Variants in SNTB1 observed in about 807,000 individuals in gnomAD.
SNTB1 encodes the protein syntrophin beta 1.
In SNTB1, 36 loss-of-function variants were observed where a neutral mutation model predicts 48.9. That is an observed-to-expected ratio of 0.74 (90% CI 0.56 to 0.97). The LOEUF (loss-of-function observed/expected upper bound fraction) is 0.97. Among genes scored for constraint, SNTB1 ranks in the 50% least tolerant of loss-of-function variants. The pLI, the probability that SNTB1 is intolerant of heterozygous loss-of-function variation, is 0.00. For synonymous variants in SNTB1, 299 were observed against 294.6 expected, an observed-to-expected ratio of 1.01 and a Z score of -0.15; for missense variants, 786 against 703.4, an observed-to-expected ratio of 1.12 and a Z score of -1.33.
chr8:120,663,435 T>C (rs1284699161), intron 2 of SNTB1, among the ~76,000 whole-genome samples: 1 of 152,130 alleles, frequency 6.6e-6, no homozygotes, highest in Non-Finnish European at 1.5e-5. Flanking sequence ...GCCTCCCGAG[T>C]AGCTGGGATC....
intron 3 of SNTB1, among the ~76,000 whole-genome samples, chr8:120,603,230 T>C (rs927363133): frequency 2.0e-5 from 3 of 152,004 alleles, no homozygotes; most frequent in Non-Finnish European, 4.4e-5. Context: ...GCCTCCCAAA[T>C]AGCTGGGACT....
chr8:120,697,141 G>A (rs1818225431), intron 1 of SNTB1, among the ~76,000 whole-genome samples: 1 of 152,198 alleles, frequency 6.6e-6, no homozygotes, highest in African/African-American at 2.4e-5. Context: ...GCCATTCCTG[G>A]GAAGAAGCAT....
At chr8:120,734,459 A>T (rs1289940440) in intron 1 of SNTB1, among the ~76,000 whole-genome samples, 1 of 151,818 alleles carries the variant, frequency 6.6e-6, no homozygotes, top group Non-Finnish European at 1.5e-5. Flanking sequence ...AAAAAAAAAA[A>T]AAGCTTTATT....
rs10559437 is a variant in SNTB1, at chr8:120,606,409, A to ATG, written c.996+26033_996+26034dup. 2.3e-3 allele frequency among the ~76,000 whole-genome samples: 342 copies of ATG among 147,962 alleles called. 2 individuals are homozygous for ATG. Among genetic ancestry groups the ATG allele is most frequent in the South Asian group, 0.013 (60 of 4,654 alleles). ...ACTATGTCAGTGCGTGTGTGTATAT[A>ATG]TGTGTGTGTGTGTGTGTGTGTGTGT... is the stretch of plus-strand genomic sequence containing the variant. On this transcript the variant is annotated intron_variant, in intron 3 of 6. Transcript: ENST00000517992.
intron 3 of SNTB1, among the ~76,000 whole-genome samples, chr8:120,624,921 G>C (rs1816851699): frequency 6.6e-6 from 1 of 152,144 alleles, no homozygotes; most frequent in Non-Finnish European, 1.5e-5. Flanking sequence ...AAACACAAAA[G>C]GGAAAACAAC....
chr8:120,688,090 T>G (rs1396140865), intron 2 of SNTB1, among the ~76,000 whole-genome samples: 1 of 152,218 alleles, frequency 6.6e-6, no homozygotes, highest in Non-Finnish European at 1.5e-5. Context: ...TGTGAATGTT[T>G]CATTTGTGCA....
chr8:120,811,684 C>A lies in SNTB1; in HGVS notation c.160G>T (p.Ala54Ser), dbSNP rs1320125463. ...DALVLSSEEGAAAYNGIGTAT... is the reference protein window; with the variant it reads ...DALVLSSEEGSAAYNGIGTAT... ...GTCCCGATGCCGTTGTACGCCGCAGCGCCCTCCTCGCTGCTCAGAACCAGG... is the reference window on the plus strand; with the variant it reads ...GTCCCGATGCCGTTGTACGCCGCAGAGCCCTCCTCGCTGCTCAGAACCAGG... The change falls in exon 1 of 7, where the codon GCT becomes TCT. Residue 54 changes from alanine (A) to serine (S), a missense_variant. By Grantham distance (99) the Ala-to-Ser change is moderately conservative. Transcript: ENST00000517992. 1.9e-6 allele frequency: 3 copies of A among 1,589,786 alleles called. No homozygotes were observed. Among genetic ancestry groups the A allele is most frequent in the Admixed American group, 3.6e-5 (2 of 56,074 alleles).
intron 1 of SNTB1, among the ~76,000 whole-genome samples, chr8:120,731,780 A>G (rs1237961668): frequency 6.6e-6 from 1 of 152,176 alleles, no homozygotes; most frequent in Non-Finnish European, 1.5e-5. Context: ...GTTCCTCTCT[A>G]TCACCCAGAC....
At chr8:120,687,058 T>C (rs919293169) in intron 2 of SNTB1, among the ~76,000 whole-genome samples, 1 of 152,166 alleles carries the variant, frequency 6.6e-6, no homozygotes, top group African/African-American at 2.4e-5. Context: ...CTCGATGCAC[T>C]AAAGGAGGAA....
chr8:120,613,548 A>G (rs1225448830), intron 3 of SNTB1, among the ~76,000 whole-genome samples: 1 of 152,198 alleles, frequency 6.6e-6, no homozygotes, highest in Non-Finnish European at 1.5e-5. Flanking sequence ...CACTCTGGAG[A>G]TCAACATTAC....
chr8:120,582,507 A>T (rs1212295434), intron 3 of SNTB1, among the ~76,000 whole-genome samples: 3 of 152,194 alleles, frequency 2.0e-5, no homozygotes, highest in Non-Finnish European at 4.4e-5. Flanking sequence ...TTTTTTTGAG[A>T]TCATGATCAA....
intron 1 of SNTB1, among the ~76,000 whole-genome samples, chr8:120,738,816 T>G (rs1183222164): frequency 3.9e-5 from 6 of 152,212 alleles, no homozygotes; most frequent in Non-Finnish European, 8.8e-5. Flanking sequence ...TTTTTCTTTT[T>G]AAGCAAAATG....
chr8:120,766,745 T>G (rs1303348992), intron 1 of SNTB1, among the ~76,000 whole-genome samples: 1 of 152,188 alleles, frequency 6.6e-6, no homozygotes, highest in Admixed American at 6.5e-5. Context: ...TGCAAATCAC[T>G]GCATATCATT....
chr8:120,808,872 TAAAC>T (rs993320540), intron 1 of SNTB1, among the ~76,000 whole-genome samples: 31 of 152,060 alleles, frequency 2.0e-4, no homozygotes, highest in Admixed American at 1.9e-3. Context: ...ACTCCCCCAA[TAAAC>T]AAACAAAAAG....
intron 2 of SNTB1, among the ~76,000 whole-genome samples, chr8:120,650,434 A>C (rs1817394002): frequency 6.6e-6 from 1 of 152,166 alleles, no homozygotes; most frequent in Admixed American, 6.5e-5. Flanking sequence ...GCACTGAGTA[A>C]TTAAAAGAAT....
chr8:120,686,200 C>A (rs1407051546), intron 2 of SNTB1, among the ~76,000 whole-genome samples: 1 of 152,266 alleles, frequency 6.6e-6, no homozygotes, highest in Non-Finnish European at 1.5e-5. Context: ...ACCCATTACC[C>A]AGTTCCAAAA....
chr8:120,649,305 C>G (rs1337659484), intron 2 of SNTB1, among the ~76,000 whole-genome samples: 1 of 148,278 alleles, frequency 6.7e-6, no homozygotes, highest in East Asian at 2.0e-4. Flanking sequence ...GTTTTATCTA[C>G]TTTTGGTCTT....
chr8:120,728,975 G>A (rs919831586), intron 1 of SNTB1, among the ~76,000 whole-genome samples: 1 of 149,906 alleles, frequency 6.7e-6, no homozygotes, highest in Non-Finnish European at 1.5e-5. Flanking sequence ...AGCATCTGTT[G>A]TTTACTGACC....
intron 5 of SNTB1, among the ~76,000 whole-genome samples, chr8:120,543,818 C>T (rs1467346557): frequency 6.6e-6 from 1 of 152,170 alleles, no homozygotes; most frequent in African/African-American, 2.4e-5. Context: ...TAGGGCTGAT[C>T]TTTTCATCTA....
Sources: gnomAD v4.1 joint callset for allele counts (sites outside exome capture counted in the v4.1 genomes callset) on GRCh38, gnomAD v4.1.1 for gene constraint, MANE v1.5 for transcripts, NCBI Gene and HGNC (gene_info 2026-07-23, HGNC 2026-07-21) for gene names.